WDFY2: variants seen among roughly 807,000 people sequenced by gnomAD.
WDFY2 encodes WD repeat and FYVE domain-containing protein 2.
In WDFY2, 36 loss-of-function variants were observed where a neutral mutation model predicts 56.4. That is an observed-to-expected ratio of 0.64 (90% CI 0.49 to 0.84). The LOEUF is 0.84. Ranked by LOEUF, WDFY2 falls within the 40% of genes least tolerant of loss-of-function variation. WDFY2 has a pLI of 0.00. For synonymous variants in WDFY2, 176 were observed against 183.7 expected, an observed-to-expected ratio of 0.96 and a Z score of 0.34; for missense variants, 444 against 512.2, an observed-to-expected ratio of 0.87 and a Z score of 1.29.
intron 1 of WDFY2, among the ~76,000 whole-genome samples, chr13:51,619,358 A>G (rs934164511): frequency 1.3e-5 from 2 of 151,764 alleles, no homozygotes; most frequent in Non-Finnish European, 2.9e-5. Flanking sequence ...CAGTGAGGCA[A>G]GGAGATCAAG....
intron 1 of WDFY2, among the ~76,000 whole-genome samples, chr13:51,654,503 G>C (rs1471968655): frequency 6.6e-6 from 1 of 152,138 alleles, no homozygotes; most frequent in African/African-American, 2.4e-5. Flanking sequence ...CTCACGGTAG[G>C]AGCTGTAGAC....
At chr13:51,724,539 A>G (rs115240167) in intron 5 of WDFY2, among the ~76,000 whole-genome samples, 1,535 of 152,224 alleles carry the variant, frequency 0.01, 26 homozygotes, top group African/African-American at 0.034. Context: ...ACCCAGCCCA[A>G]TTTTTATTTT....
Position 51,584,578 on chromosome 13 carries a change from T to G in WDFY2, c.-110T>G. The stretch of plus-strand genomic sequence containing the variant: ...TGCTCGCCGGTTTCCGGCGTTCCGC[T>G]CCGGCCAGCCAGAGTCTCTGTCTCA... On this transcript the variant is annotated 5_prime_UTR_variant, in exon 1 of 12. Coordinates refer to ENST00000298125, the MANE Select transcript of WDFY2 (RefSeq NM_052950.4). 1 of 1,395,970 alleles carries G rather than the reference T, an allele frequency of 7.2e-7. No individual in the cohort carries two copies. Among genetic ancestry groups the G allele is most frequent in the Non-Finnish European group, 9.4e-7 (1 of 1,063,004 alleles). 86.5% of individuals were successfully genotyped at this position (1,395,970 alleles called of 1,614,324 possible).
At chr13:51,598,516 C>T (rs1312432592) in intron 1 of WDFY2, 1 of 152,158 alleles carries the variant, frequency 6.6e-6, no homozygotes, top group Non-Finnish European at 1.5e-5. Context: ...CAACAAGGAT[C>T]TTTCACACAG....
chr13:51,603,377 C>T lies in WDFY2; in HGVS notation c.137+18553C>T, dbSNP rs372632420. ...TAGTAATGCCTGGTAGGGCCTGGAG[C>T]AGCAGGAGCCTCAGGGTTGTGTGCT... On this transcript the variant is annotated intron_variant, in intron 1 of 11. Coordinates refer to ENST00000298125, the MANE Select transcript of WDFY2 (RefSeq NM_052950.4). 7.2e-5 allele frequency among the ~76,000 whole-genome samples: 11 copies of T among 152,268 alleles called. No individual in the cohort carries two copies. In the East Asian group the frequency reaches 2.1e-3, roughly 29 times the overall value.
chr13:51,660,161 G>A (rs1022843788), intron 1 of WDFY2, among the ~76,000 whole-genome samples: 1 of 151,856 alleles, frequency 6.6e-6, no homozygotes, highest in Non-Finnish European at 1.5e-5. Flanking sequence ...TGTATTTATG[G>A]TTAAGATACA....
chr13:51,714,086 T>A (rs1171648980), intron 4 of WDFY2, among the ~76,000 whole-genome samples: 1 of 152,084 alleles, frequency 6.6e-6, no homozygotes, highest in East Asian at 1.9e-4. Flanking sequence ...CAGAACTGTA[T>A]ACTTCAGTTG....
At chr13:51,690,629 T>C (rs1040964551) in intron 3 of WDFY2, among the ~76,000 whole-genome samples, 1 of 152,152 alleles carries the variant, frequency 6.6e-6, no homozygotes, top group African/African-American at 2.4e-5. Context: ...AAGTCTTTGC[T>C]GTCGTGAATA....
Position 51,765,537 on chromosome 13 carries a change from G to A in WDFY2, c.*5768G>A, listed in dbSNP as rs1219386574. ...GATGAATTTGATCATCATTCTTAAA[G>A]TCCCTTCCAATCCTGTGATTCTCTG... On this transcript the variant is annotated 3_prime_UTR_variant, in exon 12 of 12. Coordinates refer to ENST00000298125, the MANE Select transcript of WDFY2 (RefSeq NM_052950.4). 6.6e-6 allele frequency: 1 copy of A among 152,192 alleles called. No homozygotes were observed. The highest frequency in any genetic ancestry group is 2.4e-5 in the African/African-American group (1 of 41,438). 9.4% of individuals were successfully genotyped at this position (152,192 alleles called of 1,614,324 possible). A position where few individuals can be genotyped will look rare whatever the true frequency, so the allele number is the denominator to read the frequency against.
chr13:51,766,767 T>C lies in WDFY2; in HGVS notation c.*6998T>C, dbSNP rs1433685033. The C allele has an allele frequency of 6.6e-6, 1 of 152,234 alleles. No homozygotes were observed. Among genetic ancestry groups the C allele is most frequent in the Non-Finnish European group, 1.5e-5 (1 of 68,058 alleles). 9.4% of individuals were successfully genotyped at this position (152,234 alleles called of 1,614,324 possible). On this transcript the variant is annotated 3_prime_UTR_variant, in exon 12 of 12. Transcript: ENST00000298125. Reference sequence around the variant, plus strand: ...TCTCAATGCGGAGTTGCCGCCACGGTTTAAAATAAATCTCTGTGAAAACCT... The same window carrying C: ...TCTCAATGCGGAGTTGCCGCCACGGCTTAAAATAAATCTCTGTGAAAACCT...
chr13:51,616,203 C>T (rs1424761863), intron 1 of WDFY2, among the ~76,000 whole-genome samples: 4 of 152,120 alleles, frequency 2.6e-5, no homozygotes, highest in African/African-American at 4.8e-5. Context: ...TATCACTGCG[C>T]TCCAGCCTGG....
chr13:51,637,838 A>T (rs1742894852), intron 1 of WDFY2, among the ~76,000 whole-genome samples: 1 of 152,202 alleles, frequency 6.6e-6, no homozygotes, highest in South Asian at 2.1e-4. Context: ...GCAAGAATTG[A>T]TATTATTTAA....
chr13:51,640,310 T>C (rs978408816), intron 1 of WDFY2, among the ~76,000 whole-genome samples: 3 of 152,204 alleles, frequency 2.0e-5, no homozygotes, highest in African/African-American at 2.4e-5. Flanking sequence ...AACAGTTTCT[T>C]GTGGGCAATT....
chr13:51,631,658 T>TA (rs1283176203), intron 1 of WDFY2, among the ~76,000 whole-genome samples: 6 of 152,162 alleles, frequency 3.9e-5, no homozygotes, highest in Non-Finnish European at 7.4e-5. Flanking sequence ...GCTTTCAACT[T>TA]ACAATGTTGA....
At chr13:51,683,136 T>G (rs1318905991) in intron 3 of WDFY2, among the ~76,000 whole-genome samples, 1 of 152,208 alleles carries the variant, frequency 6.6e-6, no homozygotes, top group Non-Finnish European at 1.5e-5. Flanking sequence ...GGAGAAGATG[T>G]AGCAAATTTG....
chr13:51,747,476 A>C (rs1310720935), intron 7 of WDFY2, among the ~76,000 whole-genome samples: 1 of 152,188 alleles, frequency 6.6e-6, no homozygotes, highest in Non-Finnish European at 1.5e-5. Context: ...ATTCCCATTT[A>C]CTCTTAACAT....
At chr13:51,703,744 C>T in intron 4 of WDFY2, 94 bp downstream of exon 4, 1 of 1,081,608 alleles carries the variant, frequency 9.2e-7, no homozygotes, top group Admixed American at 2.7e-5. Context: ...TTACAATCAT[C>T]AGGGAAACAA....
At chr13:51,652,613 C>G (rs1386137055) in intron 1 of WDFY2, among the ~76,000 whole-genome samples, 5 of 152,178 alleles carry the variant, frequency 3.3e-5, no homozygotes, top group Non-Finnish European at 7.3e-5. Context: ...GTGACAAAAT[C>G]TCTCAGCATT....
chr13:51,740,540 C>G (rs1431688187), intron 7 of WDFY2, among the ~76,000 whole-genome samples: 3 of 152,086 alleles, frequency 2.0e-5, no homozygotes, highest in Non-Finnish European at 4.4e-5. Context: ...ATGGTGAAAC[C>G]CCGTTTCTAC....
Sources: gnomAD v4.1 joint callset for allele counts (sites outside exome capture counted in the v4.1 genomes callset) on GRCh38, gnomAD v4.1.1 for gene constraint, MANE v1.5 for transcripts, NCBI Gene and HGNC (gene_info 2026-07-23, HGNC 2026-07-21) for gene names.